The following DEPDC5 variants were observed in gnomAD, a reference collection of about 807,000 sequenced individuals.
The protein encoded by DEPDC5 is DEP domain containing 5, GATOR1 subcomplex subunit, also known as GATOR1 complex protein DEPDC5.
Under a neutral mutation model 217.3 loss-of-function variants are expected in DEPDC5, and 73 were observed. The observed-to-expected ratio is 0.34, with a 90% CI of 0.28 to 0.41. The LOEUF is 0.41. Among genes scored for constraint, DEPDC5 ranks in the 10% least tolerant of loss-of-function variants. The pLI, the probability that DEPDC5 is intolerant of heterozygous loss-of-function variation, is 1.00. For synonymous variants in DEPDC5, 733 were observed against 756.7 expected, an observed-to-expected ratio of 0.97 and a Z score of 0.51; for missense variants, 1,675 against 2,070.1, an observed-to-expected ratio of 0.81 and a Z score of 3.70.
At chr22:31,887,312 C>T (rs558958249) in intron 38 of DEPDC5, among the ~76,000 whole-genome samples, 2 of 145,040 alleles carry the variant, frequency 1.4e-5, no homozygotes, top group South Asian at 2.3e-4. Context: ...TCCAGCTGCT[C>T]GGGAGCTGAA....
intron 31 of DEPDC5, among the ~76,000 whole-genome samples, chr22:31,855,514 C>T (rs2092252683): frequency 6.6e-6 from 1 of 151,368 alleles, no homozygotes; most frequent in African/African-American, 2.4e-5. Flanking sequence ...GTAGTTGGGA[C>T]TACAGGCGCC....
intron 10 of DEPDC5, among the ~76,000 whole-genome samples, chr22:31,787,092 T>C (rs1601830424): frequency 6.6e-6 from 1 of 151,536 alleles, no homozygotes; most frequent in Admixed American, 6.6e-5. Flanking sequence ...AAAAGTTTTA[T>C]AATTTTTTTT....
chr22:31,898,768 T>C (rs1434916691), intron 40 of DEPDC5, among the ~76,000 whole-genome samples: 2 of 152,156 alleles, frequency 1.3e-5, no homozygotes, highest in Non-Finnish European at 2.9e-5. Context: ...ATAGACACAA[T>C]GTTCTAAGTG....
chr22:31,856,919 A>G (rs569296441), intron 31 of DEPDC5, among the ~76,000 whole-genome samples: 1 of 152,156 alleles, frequency 6.6e-6, no homozygotes, highest in East Asian at 1.9e-4. Flanking sequence ...GTAGGCGTGC[A>G]CTGCCACACC....
At position 31,756,566 on chromosome 22, in the gene DEPDC5, A is replaced by G. The variant is rs56297723; in HGVS notation, c.58+1587A>G. ...ACAACGTATACAAATACATGTTTTT[A>G]TGTATAAAATACAAAGGTAGTTAGA... is the stretch of plus-strand genomic sequence containing the variant. On this transcript the variant is annotated intron_variant, in intron 2 of 42. Coordinates refer to ENST00000651528, the MANE Select transcript of DEPDC5 (RefSeq NM_001242896.3). Among the ~76,000 whole-genome samples the G allele has an allele frequency of 2.9e-3, 447 of 152,340 alleles. 2 individuals are homozygous for G. The highest frequency in any genetic ancestry group is 0.011 in the African/African-American group (439 of 41,586).
At chr22:31,759,676 CTTTTTTTT>C (rs35291104) in intron 3 of DEPDC5, among the ~76,000 whole-genome samples, 1 of 94,964 alleles carries the variant, frequency 1.1e-5, no homozygotes, top group Admixed American at 1.3e-4. Flanking sequence ...CGCGCCCAGC[CTTTTTTTT>C]TTTTTTTTTT....
intron 6 of DEPDC5, 128 bp downstream of exon 6, chr22:31,766,796 C>T (rs776820922): frequency 1.4e-5 from 11 of 761,162 alleles, no homozygotes; most frequent in Admixed American, 8.3e-5. Context: ...TTATTGTCAA[C>T]GTCTTCTGTG....
At chr22:31,832,466 G>A (rs2090674882) in intron 24 of DEPDC5, among the ~76,000 whole-genome samples, 1 of 151,026 alleles carries the variant, frequency 6.6e-6, no homozygotes, top group Non-Finnish European at 1.5e-5. Context: ...AAATAAGCAT[G>A]TAGTGGTATC....
At chr22:31,814,559 C>T (rs540448157) in intron 20 of DEPDC5, 1 of 185,086 alleles carries the variant, frequency 5.4e-6, no homozygotes, top group South Asian at 1.2e-4. Context: ...TTCCTCTATT[C>T]TGCAGATTCC....
At chr22:31,846,696 AC>A (rs1178495755) in intron 30 of DEPDC5, 137 bp from the exon 31 acceptor site, 50 of 1,224,510 alleles carry the variant, frequency 4.1e-5, no homozygotes, top group Non-Finnish European at 5.6e-5. Context: ...CACTTACTGA[AC>A]ACTGAGAACC....
In DEPDC5 at chr22:31,889,558, TTTTTTTTTC is replaced by T. The variant is rs1410027585; in HGVS notation, c.4034-4023_4034-4015del. Among the ~76,000 whole-genome samples the T allele has an allele frequency of 9.8e-3, 1,452 of 147,518 alleles. 10 individuals carry two copies. The highest frequency in any genetic ancestry group is 0.016 in the Non-Finnish European group (1,041 of 66,750). On this transcript the variant is annotated intron_variant, in intron 38 of 42. Coordinates refer to ENST00000651528, the MANE Select transcript of DEPDC5 (RefSeq NM_001242896.3). The stretch of plus-strand genomic sequence containing the variant: ...CAAAACTTCTTTTTTTTTTTTTTTT[TTTTTTTTTC>T]CAGACAGAGTCTCGCTCTGTTGCCT...
intron 38 of DEPDC5, chr22:31,880,134 C>T (rs2093135013): frequency 8.2e-6 from 2 of 244,204 alleles, no homozygotes; most frequent in Admixed American, 9.7e-5. Context: ...CCTATGATCT[C>T]AGAAGAGGAA....
intron 38 of DEPDC5, chr22:31,891,547 C>T: frequency 5.9e-6 from 1 of 170,692 alleles, no homozygotes. Context: ...GCTCTCCTGC[C>T]TTACAACAGA....
At chr22:31,809,018 T>C (rs139432300) in intron 18 of DEPDC5, among the ~76,000 whole-genome samples, 2,067 of 152,308 alleles carry the variant, frequency 0.014, 15 homozygotes, top group Middle Eastern at 0.031. Flanking sequence ...TCCTCCTGCC[T>C]TGGGCTCCCA....
At chr22:31,760,398 G>T (rs1601597048) in intron 3 of DEPDC5, among the ~76,000 whole-genome samples, 1 of 152,046 alleles carries the variant, frequency 6.6e-6, no homozygotes, top group Non-Finnish European at 1.5e-5. Flanking sequence ...TAGAGAAGGG[G>T]TTTCACCGTG....
At chr22:31,850,518 G>GA (rs1389996343) in intron 31 of DEPDC5, among the ~76,000 whole-genome samples, 3 of 152,052 alleles carry the variant, frequency 2.0e-5, no homozygotes, top group South Asian at 2.1e-4. Flanking sequence ...GTATTTATAG[G>GA]AAAAAAACAT....
At chr22:31,798,087 A>G (rs2086462295) in intron 13 of DEPDC5, among the ~76,000 whole-genome samples, 1 of 151,442 alleles carries the variant, frequency 6.6e-6, no homozygotes, top group African/African-American at 2.4e-5. Flanking sequence ...TGCCCAGATA[A>G]TTTTTTCATT....
chr22:31,869,006 G>T (rs1881165569), intron 33 of DEPDC5, among the ~76,000 whole-genome samples: 2 of 152,096 alleles, frequency 1.3e-5, no homozygotes, highest in Non-Finnish European at 2.9e-5. Context: ...ACTTTGGGAG[G>T]CTGAGGCGGA....
intron 38 of DEPDC5, among the ~76,000 whole-genome samples, chr22:31,887,419 CAAAAAAA>C (rs567430576): frequency 6.1e-5 from 4 of 65,680 alleles, no homozygotes; most frequent in South Asian, 6.1e-4. Context: ...AACTCTGTCT[CAAAAAAA>C]AAAAAAAAAA....
Sources: allele counts gnomAD v4.1 joint callset (sites outside exome capture counted in the v4.1 genomes callset), GRCh38; gene constraint gnomAD v4.1.1; transcripts MANE v1.5; gene names NCBI Gene and HGNC (gene_info 2026-07-23, HGNC 2026-07-21).